ARL11: variants seen among roughly 807,000 people sequenced by gnomAD.
ARL11 encodes ADP-ribosylation factor-like protein 11.
For missense variants in ARL11, 239 were observed against 250.6 expected (o/e 0.95, Z 0.31); for synonymous variants, 91 against 111.2 (o/e 0.82, Z 1.15).
At chr13:49,629,626 C>T (rs767187280) in intron 1 of ARL11, among the ~76,000 whole-genome samples, 3 of 152,182 alleles carry the variant, frequency 2.0e-5, no homozygotes, top group Non-Finnish European at 4.4e-5. Flanking sequence ...AATGCTGTAC[C>T]GGTGTGTAGC....
Position 49,630,435 on chromosome 13 carries a change from A to G in ARL11, c.-13A>G, listed in dbSNP as rs1433317981. On this transcript the variant is annotated 5_prime_UTR_variant, in exon 2 of 2. Transcript: ENST00000282026. Reference sequence around the variant, plus strand: ...CCCTGGCCTTTCTCCCCTAGGATTCAGCAGTGGCCACCATGGGTTCTGTGA... The same window carrying G: ...CCCTGGCCTTTCTCCCCTAGGATTCGGCAGTGGCCACCATGGGTTCTGTGA... The G allele has an allele frequency of 4.4e-6, 7 of 1,597,080 alleles. No individual in the cohort carries two copies. The highest frequency in any genetic ancestry group is 3.4e-5 in the Admixed American group (2 of 58,998).
chr13:49,630,548 G>A lies in ARL11; in HGVS notation c.101G>A (p.Gly34Asp). 1 of 1,613,982 alleles carries A rather than the reference G, an allele frequency of 6.2e-7. No homozygotes were observed. The highest frequency in any genetic ancestry group is 8.5e-7 in the Non-Finnish European group (1 of 1,180,028). ...ACCACGCTCCTTTACAAGCTGAAGG[G>A]CCACCAGCTGGTGGAGACCCTGCCC... is the stretch of plus-strand genomic sequence containing the variant. ...GKTTLLYKLK[G>D]HQLVETLPTV... The change falls in exon 2 of 2, where the codon GGC becomes GAC. Residue 34 changes from glycine (G) to aspartate (D), a missense_variant. Physicochemically the swap from Gly to Asp is moderately conservative, Grantham distance 94. Transcript: ENST00000282026.
Position 49,631,229 on chromosome 13 carries a change from A to G in ARL11, c.*191A>G, listed in dbSNP as rs1964883979. On this transcript the variant is annotated 3_prime_UTR_variant, in exon 2 of 2. Transcript: ENST00000282026. Reference sequence around the variant, plus strand: ...AGGAGTTGGAGAGCAACATCACAACACCCCATTTCTACTAATAATCAAAAA... The same window carrying G: ...AGGAGTTGGAGAGCAACATCACAACGCCCCATTTCTACTAATAATCAAAAA... 2.0e-6 allele frequency: 1 copy of G among 506,120 alleles called. No individual in the cohort carries two copies. The highest frequency in any genetic ancestry group is 3.5e-6 in the Non-Finnish European group (1 of 288,092). The allele number at this position is 506,120 out of a possible 1,614,324, so 31.4% of individuals were successfully genotyped here.
chr13:49,630,468 A>G lies in ARL11; in HGVS notation c.21A>G (p.Arg7=). 6.2e-7 allele frequency: 1 copy of G among 1,611,786 alleles called. No individual in the cohort carries two copies. The highest frequency in any genetic ancestry group is 1.3e-5 in the African/African-American group (1 of 74,980). MGSVNS[R]GHKAEAQVVM... ...CCACCATGGGTTCTGTGAATTCCAG[A>G]GGTCACAAGGCGGAAGCCCAGGTGG... Residue 7 remains arginine, a synonymous_variant, in exon 2 of 2, where the codon AGA becomes AGG. Transcript: ENST00000282026.
In ARL11 at chr13:49,630,763, G is replaced by A; in HGVS notation, c.316G>A (p.Val106Ile). The A allele has an allele frequency of 1.2e-6, 2 of 1,614,068 alleles. No individual in the cohort carries two copies. The highest frequency in any genetic ancestry group is 1.7e-4 in the Middle Eastern group (1 of 6,060). The change falls in exon 2 of 2, where the codon GTC (valine) becomes ATC (isoleucine). Residue 106 changes from valine (V) to isoleucine (I), a missense_variant. Coordinates refer to ENST00000282026, the MANE Select transcript of ARL11 (RefSeq NM_138450.6). Reference sequence around the variant, plus strand: ...CGAGTCGGCGGCTGAGCTCACAGAAGTCCTGAACGACCCCAACATGGCTGG... The same window carrying A: ...CGAGTCGGCGGCTGAGCTCACAGAAATCCTGAACGACCCCAACATGGCTGG... ...LPESAAELTE[V>I]LNDPNMAGVP...
chr13:49,632,253 A>G lies in ARL11; in HGVS notation c.*1215A>G, dbSNP rs1477660151. 6.0e-6 allele frequency: 1 copy of G among 167,018 alleles called. No homozygotes were observed. The highest frequency in any genetic ancestry group is 2.4e-5 in the African/African-American group (1 of 41,424). 10.3% of individuals were successfully genotyped at this position (167,018 alleles called of 1,614,324 possible). Reference sequence around the variant, plus strand: ...ATTAATTTAACAAAAAAAACAGAGCATTTAGTTTGTGGCAAAAACACTGAG... The same window carrying G: ...ATTAATTTAACAAAAAAAACAGAGCGTTTAGTTTGTGGCAAAAACACTGAG... On this transcript the variant is annotated 3_prime_UTR_variant, in exon 2 of 2. Transcript: ENST00000282026.
Position 49,631,362 on chromosome 13 carries a change from G to A in ARL11, c.*324G>A, listed in dbSNP as rs907067987. On this transcript the variant is annotated 3_prime_UTR_variant, in exon 2 of 2. Coordinates refer to ENST00000282026, the MANE Select transcript of ARL11 (RefSeq NM_138450.6). ...AGAGGTTGCAGTGAGCCAAGATCGC[G>A]CCACTGCACTCCAGTCTGGGCAACA... 3.9e-5 allele frequency: 8 copies of A among 204,930 alleles called. No individual in the cohort carries two copies. The highest frequency in any genetic ancestry group is 2.4e-4 in the South Asian group (2 of 8,360). 12.7% of individuals were successfully genotyped at this position (204,930 alleles called of 1,614,324 possible).
In ARL11 at chr13:49,630,945, G is replaced by A; in HGVS notation, c.498G>A (p.Leu166=). The A allele has an allele frequency of 6.2e-7, 1 of 1,608,906 alleles. No individual in the cohort carries two copies. The highest frequency in any genetic ancestry group is 1.1e-5 in the South Asian group (1 of 90,848). ...CTGGGGAGGGGCTGCCCGAGGCCCT[G>A]CAGAGCCTGTGGAGCCTCCTGAAAT... The part of the protein sequence containing the change: ...ALTGEGLPEA[L]QSLWSLLKSR... Residue 166 remains leucine, a synonymous_variant, in exon 2 of 2, where the codon CTG becomes CTA. Transcript: ENST00000282026.
rs543463072 is a variant in ARL11 at position 49,632,445 on chromosome 13, G to A, written c.*1407G>A. The A allele has an allele frequency of 6.0e-6, 1 of 167,136 alleles. No individual in the cohort carries two copies. Among genetic ancestry groups the A allele is most frequent in the African/African-American group, 2.4e-5 (1 of 41,566 alleles). The allele number at this position is 167,136 out of a possible 1,614,324, so 10.4% of individuals were successfully genotyped here. ...ATTACCTAGCATCCATGAAGCACCTGAAATTATTTGCAAAATGTTACGCTT... is the reference window on the plus strand; with the variant it reads ...ATTACCTAGCATCCATGAAGCACCTAAAATTATTTGCAAAATGTTACGCTT... On this transcript the variant is annotated 3_prime_UTR_variant, in exon 2 of 2. Coordinates refer to ENST00000282026, the MANE Select transcript of ARL11 (RefSeq NM_138450.6).
In ARL11 at chr13:49,631,005, T is replaced by C. The variant is rs768182542; in HGVS notation, c.558T>C (p.His186=). The change falls in exon 2 of 2, where the codon CAT becomes CAC. Residue 186 remains histidine, a synonymous_variant. Coordinates refer to ENST00000282026, the MANE Select transcript of ARL11 (RefSeq NM_138450.6). ...RSCMCLQARA[H]GAERGDSKRS ...GCATGTGTCTGCAGGCGAGAGCCCATGGGGCTGAGCGCGGAGACAGCAAGA... is the reference window on the plus strand; with the variant it reads ...GCATGTGTCTGCAGGCGAGAGCCCACGGGGCTGAGCGCGGAGACAGCAAGA... 6 of 1,602,234 alleles carry C rather than the reference T, an allele frequency of 3.7e-6. No individual in the cohort carries two copies. The highest frequency in any genetic ancestry group is 5.1e-6 in the Non-Finnish European group (6 of 1,174,218).
rs1415880073 is a variant in ARL11 at position 49,630,593 on chromosome 13, A to G, written c.146A>G (p.Glu49Gly). 6.2e-7 allele frequency: 1 copy of G among 1,614,044 alleles called. No homozygotes were observed. The highest frequency in any genetic ancestry group is 1.1e-5 in the South Asian group (1 of 91,078). The change falls in exon 2 of 2, where the codon GAG becomes GGG. Residue 49 changes from glutamate to glycine, a missense_variant. By Grantham distance (98) the Glu-to-Gly change is moderately conservative. Coordinates refer to ENST00000282026, the MANE Select transcript of ARL11 (RefSeq NM_138450.6). ...ETLPTVGFNVEPLKAPGHVSL... is the reference protein window; with the variant it reads ...ETLPTVGFNVGPLKAPGHVSL... ...CTGCCCACTGTTGGTTTCAACGTGG[A>G]GCCTCTGAAAGCTCCTGGGCACGTG...
chr13:49,630,738 C>T lies in ARL11; in HGVS notation c.291C>T (p.Pro97=), dbSNP rs780101758. 41 of 1,613,972 alleles carry T rather than the reference C, an allele frequency of 2.5e-5. No individual in the cohort carries two copies. The highest frequency in any genetic ancestry group is 3.1e-5 in the Non-Finnish European group (37 of 1,180,024). Residue 97 remains proline (P), a synonymous_variant, in exon 2 of 2, where the codon CCC becomes CCT. Coordinates refer to ENST00000282026, the MANE Select transcript of ARL11 (RefSeq NM_138450.6). ...ACAGCACAGATGAAGCCCGCTTACCCGAGTCGGCGGCTGAGCTCACAGAAG... is the reference window on the plus strand; with the variant it reads ...ACAGCACAGATGAAGCCCGCTTACCTGAGTCGGCGGCTGAGCTCACAGAAG... The part of the protein sequence containing the change: ...VLDSTDEARL[P]ESAAELTEVL...
At position 49,630,901 on chromosome 13, in the gene ARL11, C is replaced by T. The variant is rs778849305; in HGVS notation, c.454C>T (p.Arg152Trp). 28 of 1,590,974 alleles carry T rather than the reference C, an allele frequency of 1.8e-5. No individual in the cohort carries two copies. Among genetic ancestry groups the T allele is most frequent in the South Asian group, 6.7e-5 (6 of 89,264 alleles). Residue 152 changes from arginine (R) to tryptophan (W), a missense_variant, in exon 2 of 2, where the codon CGG (arginine) becomes TGG (tryptophan). Arg to Trp is a moderately radical substitution (Grantham distance 101). Transcript: ENST00000282026. ...ATTCCAGGACCACTGCTGGGAGCTC[C>T]GGGGCTGCAGTGCCCTCACTGGGGA... ...ERFQDHCWEL[R>W]GCSALTGEGL...
In ARL11 at chr13:49,628,568, G is replaced by C. The variant is rs1289976661; in HGVS notation, c.-66G>C. The C allele has an allele frequency of 1.3e-5, 2 of 152,256 alleles. No homozygotes were observed. The highest frequency in any genetic ancestry group is 6.5e-5 in the Admixed American group (1 of 15,282). The allele number at this position is 152,256 out of a possible 1,614,324, so 9.4% of individuals were successfully genotyped here. On this transcript the variant is annotated 5_prime_UTR_variant, in exon 1 of 2. Transcript: ENST00000282026. Reference sequence around the variant, plus strand: ...CAGCAGAAAGCAGCTCCATAGGGGAGGAGAGCCACGCAGGATCTCACAGCT... The same window carrying C: ...CAGCAGAAAGCAGCTCCATAGGGGACGAGAGCCACGCAGGATCTCACAGCT...
chr13:49,630,605 C>T lies in ARL11; in HGVS notation c.158C>T (p.Ala53Val). Residue 53 changes from alanine to valine, a missense_variant, in exon 2 of 2, where the codon GCT becomes GTT. By Grantham distance (64) the Ala-to-Val change is moderately conservative (BLOSUM62 0). Coordinates refer to ENST00000282026, the MANE Select transcript of ARL11 (RefSeq NM_138450.6). ...TVGFNVEPLK[A>V]PGHVSLTLWD... ...GGTTTCAACGTGGAGCCTCTGAAAG[C>T]TCCTGGGCACGTGTCACTGACTCTC... 1 of 1,614,134 alleles carries T rather than the reference C, an allele frequency of 6.2e-7. No homozygotes were observed. The highest frequency in any genetic ancestry group is 8.5e-7 in the Non-Finnish European group (1 of 1,180,028).
rs1200144893 is a variant in ARL11, at chr13:49,631,182, G to A, written c.*144G>A. The A allele has an allele frequency of 5.7e-6, 4 of 697,852 alleles. No individual in the cohort carries two copies. Among genetic ancestry groups the A allele is most frequent in the Admixed American group, 3.4e-5 (1 of 29,532 alleles). 43.2% of individuals were successfully genotyped at this position (697,852 alleles called of 1,614,324 possible). On this transcript the variant is annotated 3_prime_UTR_variant, in exon 2 of 2. Transcript: ENST00000282026. ...TAATCCCAGCACTGTGGGAGACCAC[G>A]GTGGGGGAATCCCTTGAGCCCAGGA...
chr13:49,631,106 G>T lies in ARL11; in HGVS notation c.*68G>T. 2 of 1,403,344 alleles carry T rather than the reference G, an allele frequency of 1.4e-6. No individual in the cohort carries two copies. Among genetic ancestry groups the T allele is most frequent in the South Asian group, 1.4e-5 (1 of 72,160 alleles). The allele number at this position is 1,403,344 out of a possible 1,614,324, so 86.9% of individuals were successfully genotyped here. On this transcript the variant is annotated 3_prime_UTR_variant, in exon 2 of 2. Transcript: ENST00000282026. The stretch of plus-strand genomic sequence containing the variant: ...ACCAGCTGATCCTTGAGAAATTTAC[G>T]CTTAGTCTATCAAACAAGAAATGCT...
In ARL11 at chr13:49,633,078, A is replaced by G. The variant is rs1463108235; in HGVS notation, c.*2040A>G. 1.2e-5 allele frequency: 2 copies of G among 166,790 alleles called. No individual in the cohort carries two copies. Among genetic ancestry groups the G allele is most frequent in the East Asian group, 1.9e-4 (1 of 5,204 alleles). 10.3% of individuals were successfully genotyped at this position (166,790 alleles called of 1,614,324 possible). ...ATATATATTCCCATTTTATAAAACT[A>G]CAAACTGAGGCTCAGAGAAGGTGTG... is the stretch of plus-strand genomic sequence containing the variant. On this transcript the variant is annotated 3_prime_UTR_variant, in exon 2 of 2. Coordinates refer to ENST00000282026, the MANE Select transcript of ARL11 (RefSeq NM_138450.6).
rs1964903218 is a variant in ARL11, at chr13:49,633,188, TTCTACAACATCATGCC to T, written c.*2155_*2170del. On this transcript the variant is annotated 3_prime_UTR_variant, in exon 2 of 2. Coordinates refer to ENST00000282026, the MANE Select transcript of ARL11 (RefSeq NM_138450.6). ...TCTGTTTAGGGCTAATGCTGCATTT[TTCTACAACATCATGCC>T]TCTAGAAGGTTTAAGCTAGGTAGGC... The T allele has an allele frequency of 6.0e-6, 1 of 166,938 alleles. No individual in the cohort carries two copies. The highest frequency in any genetic ancestry group is 2.4e-5 in the African/African-American group (1 of 41,476). The allele number at this position is 166,938 out of a possible 1,614,324, so 10.3% of individuals were successfully genotyped here. A position where few individuals can be genotyped will look rare whatever the true frequency, so the allele number is the denominator to read the frequency against.
Sources: gnomAD v4.1 joint callset for allele counts (sites outside exome capture counted in the v4.1 genomes callset) on GRCh38, gnomAD v4.1.1 for gene constraint, MANE v1.5 for transcripts, NCBI Gene and HGNC (gene_info 2026-07-23, HGNC 2026-07-21) for gene names.